CHD2: variants seen among roughly 807,000 people sequenced by gnomAD.
The protein encoded by CHD2 is ATP-dependent chromatin remodeler CHD2.
CHD2 carries 28 observed loss-of-function variants against 243.9 expected under a neutral mutation model. The ratio of observed to expected loss-of-function variants is 0.11; its 90% CI spans 0.09 to 0.16. CHD2 has a LOEUF of 0.16. CHD2 is among the 10% of genes least tolerant of loss of function. CHD2 has a pLI of 1.00. For synonymous variants in CHD2, 775 were observed against 779.0 expected (o/e 0.99, Z 0.09); for missense variants, 1,386 against 2,209.8 (o/e 0.63, Z 7.47).
chr15:92,938,400 T>G (rs751376050), intron 6 of CHD2, among the ~76,000 whole-genome samples: 25 of 152,248 alleles, frequency 1.6e-4, no homozygotes, highest in African/African-American at 2.7e-4. Flanking sequence ...AAATTTATTT[T>G]CTTTCATTAT....
chr15:92,932,361 T>C (rs531704343), intron 5 of CHD2, among the ~76,000 whole-genome samples: 33 of 151,862 alleles, frequency 2.2e-4, no homozygotes, highest in African/African-American at 8.0e-4. Context: ...GTTACATATG[T>C]ATACATGTGT....
intron 16 of CHD2, among the ~76,000 whole-genome samples, chr15:92,966,108 G>C (rs907919959): frequency 6.8e-6 from 1 of 146,724 alleles, no homozygotes; most frequent in Non-Finnish European, 1.5e-5. Context: ...CTGTCACCCA[G>C]GCTGGAGTGC....
rs558929083 is a variant in CHD2 at position 92,984,490 on chromosome 15, C to T, written c.3227C>T (p.Ser1076Phe). The T allele has an allele frequency of 6.2e-7, 1 of 1,609,300 alleles. No homozygotes were observed. Among genetic ancestry groups the T allele is most frequent in the Admixed American group, 1.7e-5 (1 of 59,348 alleles). Residue 1076 changes from serine (S) to phenylalanine (F), a missense_variant, in exon 25 of 39, where the codon TCC (serine) becomes TTC (phenylalanine). Physicochemically the swap from Ser to Phe is radical, Grantham distance 155. This residue lies in a region of CHD2 where 99 missense variants were observed against 206.4 expected (regional missense o/e 0.48). Transcript: ENST00000394196. ...EIYMLPRIRS[S>F]TKKAQTNDSD... ...TATATGCTGCCTCGAATTCGGAGTT[C>T]CACTAAAAAGGTGATCAAGTGAGAT...
In CHD2 at chr15:92,966,909, CAAAA is replaced by C. The variant is rs57813753; in HGVS notation, c.2001-404_2001-401del. Among the ~76,000 whole-genome samples, 102 of 132,728 alleles carry C rather than the reference CAAAA, an allele frequency of 7.7e-4. 2 individuals are homozygous for C. The highest frequency in any genetic ancestry group is 2.8e-3 in the African/African-American group (94 of 34,172). 87.1% of individuals were successfully genotyped at this position (132,728 alleles called of 152,430 possible). The stretch of plus-strand genomic sequence containing the variant: ...TGGGCGACGGAGCGAGACTCTGTCT[CAAAA>C]AAAAAAAAAAAGGAATGACTATTTA... On this transcript the variant is annotated intron_variant, in intron 16 of 38. Coordinates refer to ENST00000394196, the MANE Select transcript of CHD2 (RefSeq NM_001271.4).
intron 37 of CHD2, among the ~76,000 whole-genome samples, chr15:93,016,779 C>CAAAAAA (rs58103362): frequency 1.3e-5 from 1 of 77,986 alleles, no homozygotes; most frequent in Non-Finnish European, 2.6e-5. Context: ...GAGACCGTCT[C>CAAAAAA]AAAAAAAAAA....
At chr15:92,969,324 G>C (rs1377350590) in intron 17 of CHD2, among the ~76,000 whole-genome samples, 1 of 152,250 alleles carries the variant, frequency 6.6e-6, no homozygotes, top group Non-Finnish European at 1.5e-5. Context: ...AAAGTGAGCA[G>C]AGTTACTTCA....
chr15:92,924,548 A>G lies in CHD2; in HGVS notation c.290A>G (p.Lys97Arg). 2 of 1,613,892 alleles carry G rather than the reference A, an allele frequency of 1.2e-6. No homozygotes were observed. The highest frequency in any genetic ancestry group is 8.5e-7 in the Non-Finnish European group (1 of 1,179,766). ...ASKKERIADVKKMWEEYPDVY... is the reference protein window; with the variant it reads ...ASKKERIADVRKMWEEYPDVY... ...AAGAAGGAACGGATAGCTGATGTGA[A>G]GAAGGTATCTACTTTGCCCTGCAGT... Residue 97 changes from lysine to arginine, a missense_variant, in exon 3 of 39, where the codon AAG becomes AGG. Lys to Arg is a conservative substitution (Grantham distance 26). Around this residue, in one of 19 missense-constraint regions of CHD2, gnomAD observed 16 missense variants for 76.0 expected, o/e 0.21. Coordinates refer to ENST00000394196, the MANE Select transcript of CHD2 (RefSeq NM_001271.4).
At chr15:92,904,264 AG>A (rs2052575285) in intron 2 of CHD2, 1 of 158,488 alleles carries the variant, frequency 6.3e-6, no homozygotes, top group African/African-American at 2.4e-5. Flanking sequence ...GCCAAACAGC[AG>A]GAAGTTGCCG....
At chr15:92,964,750 G>T (rs899877298) in intron 16 of CHD2, among the ~76,000 whole-genome samples, 2 of 152,130 alleles carry the variant, frequency 1.3e-5, no homozygotes, top group Non-Finnish European at 2.9e-5. Flanking sequence ...GGTATTAAGG[G>T]TAGAAAAAGA....
At chr15:92,907,969 C>G (rs548195816) in intron 2 of CHD2, among the ~76,000 whole-genome samples, 2 of 147,196 alleles carry the variant, frequency 1.4e-5, no homozygotes, top group Admixed American at 6.8e-5. Context: ...ATTTAGTCAG[C>G]TTGGGTGCGT....
intron 2 of CHD2, among the ~76,000 whole-genome samples, chr15:92,916,363 C>G (rs559127644): frequency 6.6e-6 from 1 of 152,170 alleles, no homozygotes; most frequent in Non-Finnish European, 1.5e-5. Flanking sequence ...ATAATTCAGC[C>G]CTAATCTAGC....
At chr15:93,009,009 C>A in intron 34 of CHD2, 136 bp from the exon 35 acceptor site, 1 of 965,044 alleles carries the variant, frequency 1.0e-6, no homozygotes, top group Non-Finnish European at 1.5e-6. Flanking sequence ...CTCCACTGCA[C>A]TAGCTTTACC....
intron 2 of CHD2, among the ~76,000 whole-genome samples, chr15:92,909,399 C>T (rs2141713443): frequency 6.6e-6 from 1 of 152,238 alleles, no homozygotes; most frequent in African/African-American, 2.4e-5. Context: ...GTAATAAACT[C>T]CAGGGTGTAT....
chr15:92,923,652 G>A (rs932710871), intron 2 of CHD2, among the ~76,000 whole-genome samples: 11 of 141,018 alleles, frequency 7.8e-5, no homozygotes. Flanking sequence ...TACATCCTTT[G>A]CCTCCCAGGT....
In CHD2 at chr15:92,997,048, T is replaced by C; in HGVS notation, c.3687T>C (p.Phe1229=). 5 of 1,613,042 alleles carry C rather than the reference T, an allele frequency of 3.1e-6. No homozygotes were observed. The highest frequency in any genetic ancestry group is 3.4e-6 in the Non-Finnish European group (4 of 1,179,236). ...CCATTATCCAACATGAAGAGGAGTT[T>C]GAGATGCTGCATAAATCTATCCCTG... ...VKSIIQHEEE[F]EMLHKSIPVD... The change falls in exon 29 of 39, where the codon TTT becomes TTC. Residue 1229 remains phenylalanine, a synonymous_variant. Transcript: ENST00000394196. The surrounding 1 kb of genome is among the most constrained non-coding windows in gnomAD (Gnocchi z 4.1).
chr15:93,004,471 T>G, intron 33 of CHD2, 146 bp from the exon 34 acceptor site: 1 of 674,226 alleles, frequency 1.5e-6, no homozygotes, highest in East Asian at 3.0e-5. Flanking sequence ...GTCTTCATGA[T>G]GTTTCAGGAT....
chr15:92,971,464 T>C (rs912976630), intron 17 of CHD2, among the ~76,000 whole-genome samples: 4 of 152,202 alleles, frequency 2.6e-5, no homozygotes, highest in African/African-American at 9.6e-5. Flanking sequence ...TGTGTGTGTA[T>C]ATATGTAAAG....
At chr15:92,922,449 C>T (rs1240856950) in intron 2 of CHD2, among the ~76,000 whole-genome samples, 2 of 152,138 alleles carry the variant, frequency 1.3e-5, no homozygotes, top group South Asian at 2.1e-4. Context: ...CCCTGCTCTC[C>T]CATTTTTTCT....
chr15:92,941,604 T>A (rs1443683054), intron 7 of CHD2, among the ~76,000 whole-genome samples: 1 of 152,154 alleles, frequency 6.6e-6, no homozygotes, highest in Non-Finnish European at 1.5e-5. Flanking sequence ...GAATTTTTAT[T>A]TTCAAATTGA....
Sources: gnomAD v4.1 joint callset for allele counts (sites outside exome capture counted in the v4.1 genomes callset) on GRCh38, gnomAD v4.1.1 for gene constraint, gnomAD v4.1.1 regional missense constraint, Gnocchi (gnomAD v3.1) non-coding constraint, MANE v1.5 for transcripts, NCBI Gene and HGNC (gene_info 2026-07-23, HGNC 2026-07-21) for gene names.